Variants in FNBP1 observed in about 807,000 individuals in gnomAD.
FNBP1 encodes the protein formin-binding protein 1.
In FNBP1, 26 loss-of-function variants were observed where a neutral mutation model predicts 90.6. The ratio of observed to expected loss-of-function variants is 0.29; its 90% CI spans 0.21 to 0.40. The LOEUF (loss-of-function observed/expected upper bound fraction) is 0.40. Among genes scored for constraint, FNBP1 ranks in the 10% least tolerant of loss-of-function variants. The pLI, the probability that FNBP1 is intolerant of heterozygous loss-of-function variation, is 1.00. For synonymous variants in FNBP1, 260 were observed against 265.2 expected, an observed-to-expected ratio of 0.98 and a Z score of 0.19; for missense variants, 635 against 768.0, an observed-to-expected ratio of 0.83 and a Z score of 2.05.
chr9:129,975,950 G>C (rs945119486), intron 4 of FNBP1, among the ~76,000 whole-genome samples: 7 of 125,860 alleles, frequency 5.6e-5, no homozygotes, highest in African/African-American at 2.0e-4. Context: ...ATTGACAAAA[G>C]AAACAACCAG....
intron 1 of FNBP1, among the ~76,000 whole-genome samples, chr9:129,996,478 A>AG (rs975737525): frequency 3.3e-5 from 5 of 152,188 alleles, no homozygotes; most frequent in African/African-American, 1.2e-4. Context: ...GCCCCAGCAA[A>AG]GGGATTTCAC....
intron 1 of FNBP1, among the ~76,000 whole-genome samples, chr9:130,017,583 A>C (rs1255658738): frequency 6.6e-6 from 1 of 152,090 alleles, no homozygotes; most frequent in East Asian, 1.9e-4. Context: ...TAATCTCAGC[A>C]CTTTGGGAGG....
At chr9:129,911,670 C>T (rs897826149) in intron 11 of FNBP1, among the ~76,000 whole-genome samples, 3 of 152,218 alleles carry the variant, frequency 2.0e-5, no homozygotes, top group East Asian at 3.9e-4. Context: ...CAGTGGCTCA[C>T]GCCTGTAATC....
rs1175642570 is a variant in FNBP1, at chr9:129,925,078, G to C, written c.869C>G (p.Pro290Arg). 3.7e-6 allele frequency: 6 copies of C among 1,613,788 alleles called. No homozygotes were observed. Among genetic ancestry groups the C allele is most frequent in the Middle Eastern group, 1.6e-4 (1 of 6,062 alleles). ...GDIEFEDYTQ[P>R]MKRTVSDNSL... ...GTTATCTGACACAGTGCGCTTCATTGGCTGAGTGTAATCCTCAAATTCAAT... is the reference window on the plus strand; with the variant it reads ...GTTATCTGACACAGTGCGCTTCATTCGCTGAGTGTAATCCTCAAATTCAAT... The change falls in exon 9 of 17, where the codon CCA becomes CGA. Residue 290 changes from proline to arginine, a missense_variant. Coordinates refer to ENST00000446176, the MANE Select transcript of FNBP1 (RefSeq NM_015033.3).
At chr9:129,904,301 G>A (rs1047418015) in intron 12 of FNBP1, among the ~76,000 whole-genome samples, 1 of 152,208 alleles carries the variant, frequency 6.6e-6, no homozygotes, top group Non-Finnish European at 1.5e-5. Context: ...CTGAAATCAT[G>A]TCTGGAAGCA....
chr9:129,893,008 C>A (rs1053514562), intron 16 of FNBP1, among the ~76,000 whole-genome samples: 10 of 151,340 alleles, frequency 6.6e-5, no homozygotes, highest in African/African-American at 2.4e-4. Flanking sequence ...TGCCTTTTTT[C>A]AAAGCAGACT....
intron 6 of FNBP1, among the ~76,000 whole-genome samples, chr9:129,949,525 G>A (rs1037653542): frequency 3.3e-5 from 5 of 152,090 alleles, no homozygotes; most frequent in East Asian, 1.9e-4. Flanking sequence ...ATGCCAAAGC[G>A]TACCGAAGTC....
intron 4 of FNBP1, among the ~76,000 whole-genome samples, chr9:129,973,172 C>G (rs776109140): frequency 1.4e-4 from 22 of 152,192 alleles, no homozygotes; most frequent in Admixed American, 1.1e-3. Flanking sequence ...GAACACAGAA[C>G]TTATGTGGCC....
chr9:129,998,590 T>C (rs1475506508), intron 1 of FNBP1, among the ~76,000 whole-genome samples: 2 of 151,928 alleles, frequency 1.3e-5, no homozygotes, highest in Admixed American at 6.6e-5. Context: ...TTTTCAGCAG[T>C]CATAGGTGCC....
intron 4 of FNBP1, among the ~76,000 whole-genome samples, chr9:129,968,879 T>C (rs2049013089): frequency 6.6e-6 from 1 of 152,210 alleles, no homozygotes; most frequent in Non-Finnish European, 1.5e-5. Flanking sequence ...AACCATATTT[T>C]CCACCTGCAG....
Position 129,951,418 on chromosome 9 carries a change from C to CTATTTATTTATTTATTTATT in FNBP1, c.513+5922_513+5941dup, listed in dbSNP as rs532417506. Among the ~76,000 whole-genome samples the CTATTTATTTATTTATTTATT allele has an allele frequency of 2.1e-4, 30 of 143,648 alleles. No homozygotes were observed. The East Asian group carries it at 3.6e-3, about 17-fold the overall frequency. 94.2% of individuals were successfully genotyped at this position (143,648 alleles called of 152,430 possible). On this transcript the variant is annotated intron_variant, in intron 6 of 16. Transcript: ENST00000446176. ...TGACTTGTACCTTCTTATATAATTT[C>CTATTTATTTATTTATTTATT]TATTTATTTATTTATTTATTTATTT...
intron 1 of FNBP1, among the ~76,000 whole-genome samples, chr9:130,029,979 A>T (rs55642417): frequency 0.018 from 2,743 of 151,794 alleles, 93 homozygotes; most frequent in African/African-American, 0.064. Flanking sequence ...GTACAAACAA[A>T]CAAAAATTAC....
chr9:130,007,483 G>C lies in FNBP1; in HGVS notation c.25-12525C>G, dbSNP rs560917872. On this transcript the variant is annotated intron_variant, in intron 1 of 16. Transcript: ENST00000446176. ...AGAAAGGGGAAAATCACAACCTGTA[G>C]AAAAAGTGCCAGAATTTTGACTGTG... Among the ~76,000 whole-genome samples the C allele has an allele frequency of 3.3e-5, 5 of 152,162 alleles. No individual in the cohort carries two copies. The South Asian group carries it at 1.0e-3, about 32-fold the overall frequency.
At chr9:129,968,800 C>T (rs968217176) in intron 4 of FNBP1, among the ~76,000 whole-genome samples, 3 of 152,104 alleles carry the variant, frequency 2.0e-5, no homozygotes, top group Non-Finnish European at 2.9e-5. Context: ...TAATTGTTTC[C>T]TCTAGAACTC....
chr9:130,012,853 A>T (rs2056795609), intron 1 of FNBP1, among the ~76,000 whole-genome samples: 1 of 152,112 alleles, frequency 6.6e-6, no homozygotes, highest in African/African-American at 2.4e-5. Flanking sequence ...GTTAGCCAGG[A>T]TGGTCTTGAT....
At chr9:129,948,579 G>T (rs530421534) in intron 6 of FNBP1, among the ~76,000 whole-genome samples, 35 of 151,304 alleles carry the variant, frequency 2.3e-4, no homozygotes, top group Middle Eastern at 3.4e-3. Flanking sequence ...TTTTGCTCTT[G>T]TCCCCCAGGC....
chr9:129,975,760 G>A (rs886498038), intron 4 of FNBP1, among the ~76,000 whole-genome samples: 2 of 151,848 alleles, frequency 1.3e-5, no homozygotes, highest in African/African-American at 4.8e-5. Context: ...AAAATTAGCC[G>A]GATATAGTGG....
At chr9:129,965,693 C>G (rs3055539) in intron 4 of FNBP1, among the ~76,000 whole-genome samples, 10 of 42,390 alleles carry the variant, frequency 2.4e-4, no homozygotes, top group Admixed American at 5.3e-4. Context: ...AACACACACA[C>G]ACACGCGCGC....
At chr9:130,005,191 G>A (rs1174498064) in intron 1 of FNBP1, among the ~76,000 whole-genome samples, 1 of 151,308 alleles carries the variant, frequency 6.6e-6, no homozygotes, top group Non-Finnish European at 1.5e-5. Context: ...AGCTGAGATC[G>A]CACCACTACA....
Sources: gnomAD v4.1 joint callset for allele counts (sites outside exome capture counted in the v4.1 genomes callset) on GRCh38, gnomAD v4.1.1 for gene constraint, MANE v1.5 for transcripts, NCBI Gene and HGNC (gene_info 2026-07-23, HGNC 2026-07-21) for gene names.